FAM107A: variants seen among roughly 807,000 people sequenced by gnomAD.
The protein encoded by FAM107A is actin-associated protein FAM107A.
A neutral mutation model predicts 13.7 loss-of-function variants in FAM107A; 19 were observed. The observed-to-expected ratio is 1.38, with a 90% CI of 0.97 to 2.03. FAM107A has a LOEUF of 2.03. FAM107A is among the 30% of genes most tolerant of loss of function. The pLI is 0.00. For synonymous variants in FAM107A, 82 were observed against 74.5 expected (o/e 1.10, Z -0.52); for missense variants, 203 against 184.4 (o/e 1.10, Z -0.58).
chr3:58,611,846 C>A (rs1017553311), intron 1 of FAM107A, among the ~76,000 whole-genome samples: 2 of 152,184 alleles, frequency 1.3e-5, no homozygotes, highest in Admixed American at 1.3e-4. Context: ...GAGTTCTGCA[C>A]ATAGTAATTA....
intron 1 of FAM107A, among the ~76,000 whole-genome samples, chr3:58,570,583 C>CAGAGAGAGAGAGAGAG (rs371909507): frequency 2.5e-4 from 23 of 91,068 alleles, no homozygotes; most frequent in Non-Finnish European, 3.5e-4. Flanking sequence ...GCAAATACAG[C>CAGAGAGAGAGAGAGAG]AGAGAGAGAG....
chr3:58,594,662 G>T (rs2108067085), intron 1 of FAM107A, among the ~76,000 whole-genome samples: 1 of 152,168 alleles, frequency 6.6e-6, no homozygotes, highest in South Asian at 2.1e-4. Flanking sequence ...ACAGCTTCCT[G>T]GTCCCCTGAT....
intron 1 of FAM107A, chr3:58,627,058 C>T (rs1291728534): frequency 9.3e-6 from 14 of 1,508,064 alleles, no homozygotes; most frequent in Admixed American, 5.9e-5. Context: ...TCCCTGCTGG[C>T]GTTGATCTCA....
upstream of FAM107A, among the ~76,000 whole-genome samples, chr3:58,581,303 G>C (rs1001165579): frequency 6.6e-6 from 1 of 152,220 alleles, no homozygotes; most frequent in Non-Finnish European, 1.5e-5. Flanking sequence ...GGAAGACCAG[G>C]GGAGGCAGTC....
Position 58,569,753 on chromosome 3 carries a change from G to T in FAM107A, c.108C>A (p.Asn36Lys), listed in dbSNP as rs1309087000. Reference protein sequence around the residue: ...PELIKPKKLLNPVKASRSHQE... With the variant: ...PELIKPKKLLKPVKASRSHQE... ...GGTGACTCCGAGAGGCCTTCACGGG[G>T]TTCAGCAGCTTCTTGGGCTTGATGA... The change falls in exon 2 of 4, where the codon AAC (asparagine) becomes AAA (lysine). Residue 36 changes from asparagine (N) to lysine (K), a missense_variant. Transcript: ENST00000360997. The surrounding 1 kb of genome is among the most constrained non-coding windows in gnomAD (Gnocchi z 5.7). 6.2e-7 allele frequency: 1 copy of T among 1,614,100 alleles called. No individual in the cohort carries two copies. The highest frequency in any genetic ancestry group is 1.7e-5 in the Admixed American group (1 of 60,026).
intron 1 of FAM107A, among the ~76,000 whole-genome samples, chr3:58,593,474 A>G (rs2065671356): frequency 6.6e-6 from 1 of 151,918 alleles, no homozygotes; most frequent in African/African-American, 2.4e-5. Context: ...ATCATAACTG[A>G]TATCTCCTGG....
chr3:58,624,678 G>A (rs1263522182), intron 1 of FAM107A, among the ~76,000 whole-genome samples: 2 of 152,126 alleles, frequency 1.3e-5, no homozygotes, highest in African/African-American at 2.4e-5. Flanking sequence ...TCTAGGCAAA[G>A]CCTATGCCCC....
chr3:58,600,796 G>A (rs900862871), intron 1 of FAM107A, among the ~76,000 whole-genome samples: 7 of 152,214 alleles, frequency 4.6e-5, no homozygotes, highest in African/African-American at 1.7e-4. Flanking sequence ...ATGCCACAGG[G>A]GGCAGGCAAA....
chr3:58,574,932 G>A (rs1394470916), intron 1 of FAM107A, among the ~76,000 whole-genome samples: 1 of 152,076 alleles, frequency 6.6e-6, no homozygotes, highest in Non-Finnish European at 1.5e-5. Context: ...AATGCAGGGT[G>A]GCAGATTTGA....
intron 3 of FAM107A, 34 bp downstream of exon 3, chr3:58,567,174 G>A: frequency 6.2e-7 from 1 of 1,613,438 alleles, no homozygotes; most frequent in Non-Finnish European, 8.5e-7. Context: ...AGCCCTGGAG[G>A]ATGCGTGGTC....
intron 1 of FAM107A, among the ~76,000 whole-genome samples, chr3:58,601,949 C>T (rs548909480): frequency 1.3e-5 from 2 of 152,258 alleles, no homozygotes; most frequent in Admixed American, 6.5e-5. Context: ...GGCAAGGGGG[C>T]TCCTGGAGGT....
In FAM107A at chr3:58,567,199, A is replaced by G; in HGVS notation, c.327+9T>C. 1 of 1,614,072 alleles carries G rather than the reference A, an allele frequency of 6.2e-7. No individual in the cohort carries two copies. The highest frequency in any genetic ancestry group is 8.5e-7 in the Non-Finnish European group (1 of 1,179,932). ...GATGCGTGGTCCCTGCTGGGTGCCC[A>G]TCACCCACCTGGTTCAGCCTCTGCT... On this transcript the variant is annotated intron_variant, in intron 3 of 3. Transcript: ENST00000360997.
At chr3:58,570,611 GAGAGAGAGAGAGAGA>G (rs2063672924) in intron 1 of FAM107A, among the ~76,000 whole-genome samples, 1 of 146,866 alleles carries the variant, frequency 6.8e-6, no homozygotes, top group Non-Finnish European at 1.5e-5. Flanking sequence ...GAGAGAGAGA[GAGAGAGAGAGAGAGA>G]GAGAGAGAGA....
chr3:58,596,584 C>T (rs1314343018), intron 1 of FAM107A, among the ~76,000 whole-genome samples: 1 of 151,496 alleles, frequency 6.6e-6, no homozygotes. Flanking sequence ...GAGGCTGAGG[C>T]AGGAGAATCG....
rs2063664566 is a variant in FAM107A, at chr3:58,569,892, C to G, written c.-5-27G>C. ...TGTAGAGATGGGCAGAGGAGTAGCTCAGAGCTGAGCCTATAATCTCACCCT... is the reference window on the plus strand; with the variant it reads ...TGTAGAGATGGGCAGAGGAGTAGCTGAGAGCTGAGCCTATAATCTCACCCT... On this transcript the variant is annotated intron_variant, in intron 1 of 3. Coordinates refer to ENST00000360997, the MANE Select transcript of FAM107A (RefSeq NM_001076778.3). The surrounding 1 kb of genome is among the most constrained non-coding windows in gnomAD (Gnocchi z 5.7). The G allele has an allele frequency of 1.2e-6, 2 of 1,603,056 alleles. No individual in the cohort carries two copies. The highest frequency in any genetic ancestry group is 1.7e-6 in the Non-Finnish European group (2 of 1,174,876).
Position 58,569,708 on chromosome 3 carries a change from C to T in FAM107A, c.153G>A (p.Leu51=). 6.2e-7 allele frequency: 1 copy of T among 1,613,348 alleles called. No individual in the cohort carries two copies. The highest frequency in any genetic ancestry group is 8.5e-7 in the Non-Finnish European group (1 of 1,179,680). The change falls in exon 2 of 4, where the codon CTG becomes CTA. Residue 51 remains leucine, a synonymous_variant. Transcript: ENST00000360997. This position sits in a 1 kb window ranked among gnomAD's most constrained non-coding sequence, Gnocchi z 5.7. Reference sequence around the variant, plus strand: ...ATCCCTACCTTCTGTGGTTCATGAGCAGCTCCCGGTGGAGCTCCTGGTGAC... The same window carrying T: ...ATCCCTACCTTCTGTGGTTCATGAGTAGCTCCCGGTGGAGCTCCTGGTGAC... ...SRSHQELHRE[L]LMNHRRGLGV...
At chr3:58,579,017 C>T (rs938377743), upstream of FAM107A, among the ~76,000 whole-genome samples, 1 of 152,206 alleles carries the variant, frequency 6.6e-6, no homozygotes, top group African/African-American at 2.4e-5. Context: ...GGGAACCTAC[C>T]TTCAAGGGGG....
chr3:58,568,390 G>A (rs1466945672), intron 2 of FAM107A, among the ~76,000 whole-genome samples: 2 of 151,348 alleles, frequency 1.3e-5, no homozygotes, highest in Non-Finnish European at 2.9e-5. Flanking sequence ...AGCTGAGGTC[G>A]CGCCACTGCA....
At chr3:58,589,847 G>A (rs188925320), upstream of FAM107A, among the ~76,000 whole-genome samples, 26 of 152,236 alleles carry the variant, frequency 1.7e-4, no homozygotes, top group African/African-American at 4.3e-4. Flanking sequence ...TGGATGACTC[G>A]CACAGTTTCT....
Sources: gnomAD v4.1 joint callset for allele counts (sites outside exome capture counted in the v4.1 genomes callset) on GRCh38, gnomAD v4.1.1 for gene constraint, Gnocchi (gnomAD v3.1) non-coding constraint, MANE v1.5 for transcripts, NCBI Gene and HGNC (gene_info 2026-07-23, HGNC 2026-07-21) for gene names.